The following SUV39H1 variants were observed in gnomAD, a reference collection of about 807,000 sequenced individuals.
SUV39H1 encodes the protein SUV39H1 histone lysine methyltransferase.
For missense variants in SUV39H1, 180 were observed against 386.3 expected, an observed-to-expected ratio of 0.47 and a Z score of 4.48; for synonymous variants, 141 against 150.5, an observed-to-expected ratio of 0.94 and a Z score of 0.46.
At chrX:48,696,650 G>C (rs2062456465), upstream of SUV39H1, 1 of 894,362 alleles carries the variant, frequency 1.1e-6, no homozygotes, top group South Asian at 2.6e-5. Context: ...GTTCGGTCAC[G>C]GCTCTCCGGT....
Position 48,706,608 on chromosome X carries a change from C to T in SUV39H1, c.1086C>T (p.Thr362=), listed in dbSNP as rs782037864. The T allele has an allele frequency of 8.3e-7, 1 of 1,207,940 alleles. No homozygotes were observed. Among genetic ancestry groups the T allele is most frequent in the Non-Finnish European group, 1.1e-6 (1 of 893,161 alleles). ...CCATCCGGGCAGGCGAGGAGCTCAC[C>T]TTTGATTACAACATGCAAGGTGGGG... is the stretch of plus-strand genomic sequence containing the variant. The part of the protein sequence containing the change: ...TRTIRAGEEL[T]FDYNMQVDPV... The change falls in exon 5 of 6, where the codon ACC becomes ACT. Residue 362 remains threonine, a synonymous_variant. Transcript: ENST00000376687.
upstream of SUV39H1, chrX:48,696,733 C>A (rs2147271351): frequency 1.8e-6 from 2 of 1,127,264 alleles, no homozygotes; most frequent in South Asian, 2.0e-5. Context: ...CCCGCGCGAG[C>A]GCTCTTCTCG....
upstream of SUV39H1, chrX:48,695,594 G>A (rs2062451910): frequency 5.5e-6 from 6 of 1,082,636 alleles, no homozygotes; most frequent in Admixed American, 2.1e-4. Flanking sequence ...CATGCTGGAG[G>A]GCCTGGCTGG....
At chrX:48,696,624 C>T (rs781945938), upstream of SUV39H1, 38 of 679,723 alleles carry the variant, frequency 5.6e-5, no homozygotes, top group African/African-American at 7.4e-4. Context: ...GGGACCGAGC[C>T]GGGCGGCAGG....
At chrX:48,704,881 C>T in intron 3 of SUV39H1, among the ~76,000 whole-genome samples, 1 of 111,558 alleles carries the variant, frequency 9.0e-6, no homozygotes, top group Non-Finnish European at 1.9e-5. Context: ...TCTCCCTGAT[C>T]AGACCGTGAG....
intron 5 of SUV39H1, 145 bp downstream of exon 5, chrX:48,706,772 C>T: frequency 1.4e-6 from 1 of 731,083 alleles, no homozygotes; most frequent in Non-Finnish European, 2.0e-6. Context: ...CCCAGTCCCC[C>T]ATTCGGACTA....
At position 48,708,127 on chromosome X, in the gene SUV39H1, A is replaced by G. The variant is rs1301255916; in HGVS notation, c.*557A>G. On this transcript the variant is annotated 3_prime_UTR_variant, in exon 6 of 6. Coordinates refer to ENST00000376687, the MANE Select transcript of SUV39H1 (RefSeq NM_003173.4). Reference sequence around the variant, plus strand: ...GAGGCTGGTTTCTGCTCGTGCTTACAGTGCTGGGTAGTGTTGGCCCTAAGA... The same window carrying G: ...GAGGCTGGTTTCTGCTCGTGCTTACGGTGCTGGGTAGTGTTGGCCCTAAGA... 2.1e-5 allele frequency: 4 copies of G among 187,807 alleles called. No homozygotes were observed. Among genetic ancestry groups the G allele is most frequent in the Non-Finnish European group, 3.9e-5 (4 of 101,650 alleles). The allele number at this position is 187,807 out of a possible 1,213,427, so 15.5% of individuals were successfully genotyped here.
At chrX:48,704,512 A>G (rs1343831655) in intron 3 of SUV39H1, among the ~76,000 whole-genome samples, 1 of 111,326 alleles carries the variant, frequency 9.0e-6, no homozygotes, top group African/African-American at 3.3e-5. Context: ...AAGGCTGCCT[A>G]GAGAGGTCCC....
chrX:48,700,817 CG>C (rs1569494963), intron 3 of SUV39H1, 64 bp downstream of exon 3: 3 of 1,133,435 alleles, frequency 2.6e-6, no homozygotes, highest in Non-Finnish European at 3.6e-6. Flanking sequence ...AGTGTGCACC[CG>C]GCTCTCCTCA....
chrX:48,705,148 G>A (rs1557009925), intron 3 of SUV39H1: 7 of 112,033 alleles, frequency 6.2e-5, no homozygotes, highest in Admixed American at 3.8e-4. Context: ...CATGGTCACC[G>A]GCCCACATGA....
upstream of SUV39H1, chrX:48,695,726 C>T (rs1160373226): frequency 9.6e-6 from 11 of 1,143,349 alleles, no homozygotes; most frequent in African/African-American, 2.0e-4. Context: ...GCAAAATCGG[C>T]ATAGCTGTCT....
chrX:48,700,046 T>C, intron 2 of SUV39H1, 45 bp from the exon 3 acceptor site: 2 of 1,090,666 alleles, frequency 1.8e-6, no homozygotes, highest in South Asian at 4.4e-5. Flanking sequence ...GGCCCAAAGA[T>C]CTCACTACTT....
chrX:48,700,779 T>C (rs2062472364), intron 3 of SUV39H1, 26 bp downstream of exon 3: 2 of 1,195,601 alleles, frequency 1.7e-6, no homozygotes, highest in Admixed American at 2.2e-5. Flanking sequence ...CCGGTGTGTG[T>C]GTGCAGCTCT....
At chrX:48,695,754 T>C (rs911144399), upstream of SUV39H1, 17 of 1,152,270 alleles carry the variant, frequency 1.5e-5, no homozygotes, top group African/African-American at 2.9e-4. Context: ...TGGCTGTACG[T>C]GGTTACGGAC....
chrX:48,697,120 G>C (rs2147271726), intron 1 of SUV39H1, among the ~76,000 whole-genome samples: 1 of 110,914 alleles, frequency 9.0e-6, no homozygotes, highest in African/African-American at 3.3e-5. Flanking sequence ...CCCGCGCGCG[G>C]GAAAATCGGC....
chrX:48,696,937 G>A (rs1271504828), intron 1 of SUV39H1, 134 bp downstream of exon 1: 148 of 382,193 alleles, frequency 3.9e-4, no homozygotes, highest in Non-Finnish European at 5.2e-4. Context: ...GAAAGGATGA[G>A]GCTCGGGGAG....
intron 3 of SUV39H1, 79 bp downstream of exon 3, chrX:48,700,832 T>C (rs2147273771): frequency 9.1e-7 from 1 of 1,101,048 alleles, no homozygotes; most frequent in East Asian, 3.2e-5. Flanking sequence ...CTCCTCACTG[T>C]GTGTCTGAAA....
At chrX:48,699,673 G>A (rs1557009123) in intron 2 of SUV39H1, among the ~76,000 whole-genome samples, 10 of 111,972 alleles carry the variant, frequency 8.9e-5, no homozygotes. Context: ...AGCCAGGGTG[G>A]TGGCAGTGAT....
At position 48,707,633 on chromosome X, in the gene SUV39H1, G is replaced by T; in HGVS notation, c.*63G>T. ...TGAAGCTACATGCACCTCCCCCACT[G>T]CTGCCCTCCTGTCGAGAATGACTGC... On this transcript the variant is annotated 3_prime_UTR_variant, in exon 6 of 6. Transcript: ENST00000376687. 1 of 1,177,888 alleles carries T rather than the reference G, an allele frequency of 8.5e-7. No individual in the cohort carries two copies.
Sources: allele counts gnomAD v4.1 joint callset (sites outside exome capture counted in the v4.1 genomes callset), GRCh38; gene constraint gnomAD v4.1.1; transcripts MANE v1.5; gene names NCBI Gene and HGNC (gene_info 2026-07-23, HGNC 2026-07-21).